Variants in SUSD4 observed in about 807,000 individuals in gnomAD.
SUSD4 encodes the protein sushi domain containing 4.
Under a neutral mutation model 50.5 loss-of-function variants are expected in SUSD4, and 41 were observed. The observed-to-expected ratio is 0.81, with a 90% CI of 0.63 to 1.05. The LOEUF is 1.05. Among genes scored for constraint, SUSD4 ranks in the 50% least tolerant of loss-of-function variants. SUSD4 has a pLI of 0.00. For synonymous variants in SUSD4, 257 were observed against 257.3 expected (o/e 1.00, Z 0.01); for missense variants, 580 against 634.7 (o/e 0.91, Z 0.93).
intron 5 of SUSD4, among the ~76,000 whole-genome samples, chr1:223,251,057 G>A (rs1000673342): frequency 6.6e-6 from 1 of 152,150 alleles, no homozygotes; most frequent in African/African-American, 2.4e-5. Flanking sequence ...TTGGAAATAG[G>A]GTAACTGCAG....
chr1:223,301,203 A>G (rs1441137194), intron 2 of SUSD4, among the ~76,000 whole-genome samples: 1 of 152,210 alleles, frequency 6.6e-6, no homozygotes, highest in African/African-American at 2.4e-5. Flanking sequence ...GGCTGAGCAA[A>G]TAGCAATGCT....
intron 3 of SUSD4, among the ~76,000 whole-genome samples, chr1:223,289,481 A>C (rs1417383248): frequency 6.6e-6 from 1 of 152,138 alleles, no homozygotes; most frequent in Non-Finnish European, 1.5e-5. Context: ...ATCTGTGCGC[A>C]CCCAAGAGAA....
rs751622821 is a variant in SUSD4, at chr1:223,246,348, AG to A, written c.725-16961del. Among the ~76,000 whole-genome samples the A allele has an allele frequency of 8.5e-5, 13 of 152,258 alleles. 1 individual carries two copies. In the South Asian group the frequency reaches 2.7e-3, roughly 32 times the overall value. On this transcript the variant is annotated intron_variant, in intron 5 of 8. Transcript: ENST00000366878. ...AAAAGCAGCTTTGATACAGTGGCAGAGGGGAAGCCATTCTGCAGTGAGTTGG... is the reference window on the plus strand; with the variant it reads ...AAAAGCAGCTTTGATACAGTGGCAGAGGGAAGCCATTCTGCAGTGAGTTGG...
At chr1:223,282,215 C>T (rs1281638059) in intron 3 of SUSD4, among the ~76,000 whole-genome samples, 4 of 152,150 alleles carry the variant, frequency 2.6e-5, no homozygotes, top group East Asian at 3.9e-4. Flanking sequence ...TCCTATTCAA[C>T]ATAGTGTTGG....
At chr1:223,230,508 C>T (rs1230541380) in intron 5 of SUSD4, 1 of 152,232 alleles carries the variant, frequency 6.6e-6, no homozygotes. Flanking sequence ...AAGAGGTGCC[C>T]TCTCCACACT....
At chr1:223,286,693 C>T (rs1478769918) in intron 3 of SUSD4, among the ~76,000 whole-genome samples, 1 of 152,200 alleles carries the variant, frequency 6.6e-6, no homozygotes, top group Non-Finnish European at 1.5e-5. Context: ...CATCGGGCCT[C>T]CCTTTCATGG....
rs1388643777 is a variant in SUSD4 at position 223,268,622 on chromosome 1, G to A, written c.415C>T (p.His139Tyr). 6.2e-7 allele frequency: 1 copy of A among 1,614,092 alleles called. No homozygotes were observed. Among genetic ancestry groups the A allele is most frequent in the Non-Finnish European group, 8.5e-7 (1 of 1,179,994 alleles). ...DAEIHNKTYR[H>Y]GEKLIITCHE... ...CAAGTGATGATTAGCTTCTCTCCAT[G>A]TCTATATGTCTTGTTATGAATCTCA... Residue 139 changes from histidine (H) to tyrosine (Y), a missense_variant, in exon 4 of 9, where the codon CAT becomes TAT. By Grantham distance (83) the His-to-Tyr change is moderately conservative. Transcript: ENST00000366878.
chr1:223,222,377 C>T (rs950523176), intron 8 of SUSD4, among the ~76,000 whole-genome samples, 157 bp from the exon 9 acceptor site: 2 of 152,196 alleles, frequency 1.3e-5, no homozygotes, highest in East Asian at 1.9e-4. Context: ...ATAAATCAAC[C>T]TCCTATACAA....
intron 6 of SUSD4, among the ~76,000 whole-genome samples, chr1:223,228,013 G>A (rs764403872): frequency 7.9e-5 from 12 of 152,242 alleles, no homozygotes; most frequent in Non-Finnish European, 1.6e-4. Flanking sequence ...CCTGGCACAG[G>A]CTTAAATAAT....
chr1:223,229,593 G>A lies in SUSD4; in HGVS notation c.725-205C>T, dbSNP rs139945048. 3.1e-3 allele frequency: 1,610 copies of A among 517,070 alleles called. 4 individuals are homozygous for A. The highest frequency in any genetic ancestry group is 4.6e-3 in the Non-Finnish European group (1,377 of 296,336). 32.0% of individuals were successfully genotyped at this position (517,070 alleles called of 1,614,324 possible). A position where few individuals can be genotyped will look rare whatever the true frequency, so the allele number is the denominator to read the frequency against. ...AAGCCTGCTGTAATATTCTGAGCAC[G>A]TGCCGTTGTGACATGGCATTGTGAA... is the stretch of plus-strand genomic sequence containing the variant. On this transcript the variant is annotated intron_variant, in intron 5 of 8. Coordinates refer to ENST00000366878, the MANE Select transcript of SUSD4 (RefSeq NM_017982.4). The surrounding 1 kb of genome is among the most constrained non-coding windows in gnomAD (Gnocchi z 4.7).
chr1:223,275,951 T>C (rs1452305520), intron 3 of SUSD4, among the ~76,000 whole-genome samples: 3 of 152,320 alleles, frequency 2.0e-5, no homozygotes, highest in South Asian at 2.1e-4. Flanking sequence ...CCTCACACTC[T>C]TGCAGACCCA....
intron 2 of SUSD4, among the ~76,000 whole-genome samples, chr1:223,322,359 T>C (rs1489190781): frequency 6.6e-6 from 1 of 152,228 alleles, no homozygotes; most frequent in Non-Finnish European, 1.5e-5. Flanking sequence ...GTTGAGAACC[T>C]TGAGGCAGAC....
Position 223,223,633 on chromosome 1 carries a change from T to C in SUSD4, c.1062-2A>G, listed in dbSNP as rs1659291655. The C allele has an allele frequency of 6.3e-7, 1 of 1,596,826 alleles. No homozygotes were observed. Among genetic ancestry groups the C allele is most frequent in the Non-Finnish European group, 8.5e-7 (1 of 1,170,048 alleles). On this transcript the variant is annotated splice_acceptor_variant, in intron 7 of 8. Coordinates refer to ENST00000366878, the MANE Select transcript of SUSD4 (RefSeq NM_017982.4). LOFTEE classifies it high-confidence loss of function. ...CTGCTGGAACTCCGGGGAGGCCCCC[T>C]GTGTAAAGGAAAGAAGTGCCAACAT...
chr1:223,292,295 C>T (rs557698032), intron 3 of SUSD4, 144 bp downstream of exon 3: 4 of 811,790 alleles, frequency 4.9e-6, no homozygotes, highest in South Asian at 3.3e-5. Context: ...TCATTACCCA[C>T]TCCTGCTTTC....
At position 223,268,487 on chromosome 1, in the gene SUSD4, G is replaced by T; in HGVS notation, c.535+15C>A. 3 of 1,604,236 alleles carry T rather than the reference G, an allele frequency of 1.9e-6. No homozygotes were observed. Among genetic ancestry groups the T allele is most frequent in the East Asian group, 2.2e-5 (1 of 44,738 alleles). On this transcript the variant is annotated intron_variant, in intron 4 of 8. Transcript: ENST00000366878. Reference sequence around the variant, plus strand: ...AATAATAGCCCAGCTGAGAACTGAAGCATCAGTCCCGTACCTTGACAGATG... The same window carrying T: ...AATAATAGCCCAGCTGAGAACTGAATCATCAGTCCCGTACCTTGACAGATG...
chr1:223,234,992 G>A, intron 5 of SUSD4: 2 of 1,601,722 alleles, frequency 1.2e-6, no homozygotes, highest in Non-Finnish European at 1.7e-6. Context: ...GGAACAGGTA[G>A]GTGCTGGGGT....
chr1:223,288,143 G>T (rs1451592614), intron 3 of SUSD4, among the ~76,000 whole-genome samples: 1 of 152,322 alleles, frequency 6.6e-6, no homozygotes, highest in East Asian at 1.9e-4. Context: ...TAATCCCCAT[G>T]TGTTGAGGGA....
At chr1:223,301,246 T>C (rs563605729) in intron 2 of SUSD4, among the ~76,000 whole-genome samples, 18 of 152,344 alleles carry the variant, frequency 1.2e-4, no homozygotes, top group African/African-American at 4.1e-4. Context: ...AATACAATCC[T>C]CATGTTTCCC....
chr1:223,361,201 C>A (rs925702577), intron 2 of SUSD4, among the ~76,000 whole-genome samples: 1 of 152,122 alleles, frequency 6.6e-6, no homozygotes, highest in Non-Finnish European at 1.5e-5. Flanking sequence ...ATGTGCATTT[C>A]TTTCCTAAAA....
Sources: allele counts gnomAD v4.1 joint callset (sites outside exome capture counted in the v4.1 genomes callset), GRCh38; gene constraint gnomAD v4.1.1; non-coding constraint Gnocchi (gnomAD v3.1); transcripts MANE v1.5; gene names NCBI Gene and HGNC (gene_info 2026-07-23, HGNC 2026-07-21).